Variants in MCU observed in about 807,000 individuals in gnomAD.
MCU encodes the protein mitochondrial calcium uniporter, also known as calcium uniporter protein, mitochondrial.
Under a neutral mutation model 45.2 loss-of-function variants are expected in MCU, and 12 were observed. The observed-to-expected ratio is 0.27, with a 90% CI of 0.17 to 0.43. The LOEUF (loss-of-function observed/expected upper bound fraction) is 0.43. Ranked by LOEUF, MCU falls within the 20% of genes least tolerant of loss-of-function variation. MCU has a pLI of 1.00. For missense variants in MCU, 324 were observed against 436.7 expected (o/e 0.74, Z 2.30); for synonymous variants, 160 against 165.1 (o/e 0.97, Z 0.24).
intron 6 of MCU, among the ~76,000 whole-genome samples, chr10:72,882,843 C>A (rs1217447805): frequency 2.6e-5 from 4 of 152,180 alleles, no homozygotes; most frequent in African/African-American, 9.7e-5. Context: ...TAAAAACTTG[C>A]TGGTTTTGCG....
At chr10:72,864,095 T>C (rs1845418639) in intron 4 of MCU, among the ~76,000 whole-genome samples, 1 of 152,198 alleles carries the variant, frequency 6.6e-6, no homozygotes, top group Non-Finnish European at 1.5e-5. Flanking sequence ...CTCTGGTACA[T>C]AGTATACTAC....
intron 1 of MCU, among the ~76,000 whole-genome samples, chr10:72,728,853 A>G (rs988323003): frequency 6.6e-6 from 1 of 152,220 alleles, no homozygotes; most frequent in African/African-American, 2.4e-5. Context: ...ATTGGATACC[A>G]TGGAGGGATT....
chr10:72,804,770 G>A (rs945152620), intron 1 of MCU, among the ~76,000 whole-genome samples: 2 of 152,116 alleles, frequency 1.3e-5, no homozygotes, highest in East Asian at 3.8e-4. Context: ...TTGTATCCAC[G>A]TCTTAGCCGA....
chr10:72,747,654 C>T (rs1324013427), intron 1 of MCU, among the ~76,000 whole-genome samples: 3 of 151,870 alleles, frequency 2.0e-5, no homozygotes, highest in East Asian at 3.9e-4. Context: ...AGGGAGACCT[C>T]GTCTCTACCA....
chr10:72,755,487 T>C lies in MCU; in HGVS notation c.150+63186T>C, dbSNP rs558361897. Among the ~76,000 whole-genome samples, 4 of 152,310 alleles carry C rather than the reference T, an allele frequency of 2.6e-5. No individual in the cohort carries two copies. The South Asian group carries it at 8.3e-4, about 32-fold the overall frequency. On this transcript the variant is annotated intron_variant, in intron 1 of 7. Transcript: ENST00000373053. ...ACTTTATGTCTTTAAGCCTGGTGTG[T>C]AATGTTGATGGTAGAGTGGGGAACA...
chr10:72,776,823 A>G (rs966527220), intron 1 of MCU, among the ~76,000 whole-genome samples: 6 of 152,216 alleles, frequency 3.9e-5, no homozygotes, highest in African/African-American at 7.2e-5. Context: ...AGAAACCTAA[A>G]GACTCCACAA....
intron 1 of MCU, among the ~76,000 whole-genome samples, chr10:72,772,040 C>T (rs764772220): frequency 6.6e-5 from 10 of 152,192 alleles, no homozygotes; most frequent in African/African-American, 2.2e-4. Context: ...GGTTCCCTGT[C>T]GGGAGACTTG....
intron 6 of MCU, among the ~76,000 whole-genome samples, chr10:72,879,281 A>G (rs1002588550): frequency 2.6e-5 from 4 of 152,184 alleles, no homozygotes; most frequent in Non-Finnish European, 4.4e-5. Flanking sequence ...AAAATAAAAA[A>G]GGAAATTTCC....
intron 1 of MCU, chr10:72,712,227 T>TG (rs1449641161): frequency 6.6e-6 from 1 of 152,230 alleles, no homozygotes; most frequent in African/African-American, 2.4e-5. Context: ...AGACTAGGAA[T>TG]GCTGTTTTGA....
intron 1 of MCU, among the ~76,000 whole-genome samples, chr10:72,795,975 G>A (rs1016325650): frequency 2.0e-5 from 3 of 151,878 alleles, no homozygotes; most frequent in African/African-American, 4.8e-5. Flanking sequence ...TCCAGCCTGC[G>A]CGACAGAGCA....
At chr10:72,788,876 G>C (rs1194345688) in intron 1 of MCU, among the ~76,000 whole-genome samples, 1 of 152,172 alleles carries the variant, frequency 6.6e-6, no homozygotes, top group East Asian at 1.9e-4. Flanking sequence ...AGTGAACCAG[G>C]TGGTTTGTTG....
At chr10:72,805,178 T>TTCCTTCCTTCCTTCCTTCC (rs1712222867) in intron 1 of MCU, among the ~76,000 whole-genome samples, 3 of 140,334 alleles carry the variant, frequency 2.1e-5, no homozygotes, top group African/African-American at 9.3e-5. Flanking sequence ...TCTCTCTCTC[T>TTCCTTCCTTCCTTCCTTCC]TTCCTTCCTT....
At position 72,885,924 on chromosome 10, in the gene MCU, T is replaced by G; in HGVS notation, c.*102T>G. 1.2e-6 allele frequency: 1 copy of G among 837,714 alleles called. No individual in the cohort carries two copies. Among genetic ancestry groups the G allele is most frequent in the South Asian group, 1.6e-5 (1 of 63,468 alleles). 51.9% of individuals were successfully genotyped at this position (837,714 alleles called of 1,614,324 possible). ...GGGAGCCATGTGGGGGGTAGAGCGT[T>G]TTTACCTTTAATTATAAAACAAAAA... On this transcript the variant is annotated 3_prime_UTR_variant, in exon 8 of 8. Coordinates refer to ENST00000373053, the MANE Select transcript of MCU (RefSeq NM_138357.3).
intron 1 of MCU, chr10:72,715,328 C>T (rs939282007): frequency 9.4e-6 from 2 of 213,468 alleles, no homozygotes; most frequent in Non-Finnish European, 8.1e-6. Flanking sequence ...TTGCTTGATC[C>T]TTGTGGGCTG....
chr10:72,755,082 A>G (rs1293232071), intron 1 of MCU, among the ~76,000 whole-genome samples: 1 of 151,858 alleles, frequency 6.6e-6, no homozygotes, highest in Non-Finnish European at 1.5e-5. Flanking sequence ...AAAAGCATGG[A>G]CTGTAGTCTC....
intron 1 of MCU, among the ~76,000 whole-genome samples, chr10:72,801,401 G>T: frequency 1.5e-5 from 2 of 134,194 alleles, no homozygotes; most frequent in African/African-American, 5.7e-5. Context: ...GTTAGTAATT[G>T]GTTCTGTTGA....
At chr10:72,804,533 T>G (rs1266476494) in intron 1 of MCU, among the ~76,000 whole-genome samples, 1 of 152,228 alleles carries the variant, frequency 6.6e-6, no homozygotes, top group Non-Finnish European at 1.5e-5. Flanking sequence ...CACTTCTTCA[T>G]GTGACAAAGA....
intron 1 of MCU, among the ~76,000 whole-genome samples, chr10:72,782,606 A>G (rs865967181): frequency 1.7e-4 from 26 of 152,208 alleles, no homozygotes; most frequent in Admixed American, 3.9e-4. Context: ...TCCTGACCTC[A>G]GGCTACCCGC....
intron 2 of MCU, among the ~76,000 whole-genome samples, chr10:72,857,032 A>G (rs940898031): frequency 7.3e-5 from 11 of 151,124 alleles, no homozygotes; most frequent in Non-Finnish European, 2.9e-5. Context: ...CTGTAGATTC[A>G]AACTCCTGGG....
Sources: gnomAD v4.1 joint callset for allele counts (sites outside exome capture counted in the v4.1 genomes callset) on GRCh38, gnomAD v4.1.1 for gene constraint, MANE v1.5 for transcripts, NCBI Gene and HGNC (gene_info 2026-07-23, HGNC 2026-07-21) for gene names.